The following SEC14L1 variants were observed in gnomAD, a reference collection of about 807,000 sequenced individuals.
SEC14L1 encodes SEC14 like lipid binding 1.
SEC14L1 carries 48 observed loss-of-function variants against 85.3 expected under a neutral mutation model. That is an observed-to-expected ratio of 0.56 (90% CI 0.45 to 0.72). The LOEUF is 0.72. Ranked by LOEUF, SEC14L1 falls within the 30% of genes least tolerant of loss-of-function variation. The probability of loss-of-function intolerance (pLI) is 0.00; values close to 1 mark genes in which losing one functional copy is unlikely to be tolerated. For synonymous variants in SEC14L1, 391 were observed against 355.5 expected, an observed-to-expected ratio of 1.10 and a Z score of -1.12; for missense variants, 682 against 921.4, an observed-to-expected ratio of 0.74 and a Z score of 3.36.
chr17:77,136,349 CTCTT>C (rs1389699074), upstream of SEC14L1, among the ~76,000 whole-genome samples: 53 of 125,092 alleles, frequency 4.2e-4, 1 homozygote, highest in African/African-American at 1.2e-3. Flanking sequence ...TCCTTCCTTT[CTCTT>C]TCTTTTTTCT....
At chr17:77,120,773 G>A (rs184538805) in intron 3 of SEC14L1, among the ~76,000 whole-genome samples, 3 of 152,162 alleles carry the variant, frequency 2.0e-5, no homozygotes, top group Admixed American at 6.6e-5. Flanking sequence ...CACTGCGACC[G>A]GCCCCTTCTC....
At chr17:77,132,521 G>C (rs972354373) in intron 3 of SEC14L1, among the ~76,000 whole-genome samples, 4 of 152,126 alleles carry the variant, frequency 2.6e-5, no homozygotes, top group African/African-American at 4.8e-5. Context: ...CACTGCGCCT[G>C]GGCAAGTCTG....
intron 4 of SEC14L1, 72 bp downstream of exon 4, chr17:77,191,024 C>A: frequency 6.3e-7 from 1 of 1,578,594 alleles, no homozygotes. Context: ...TGGGAGAGGG[C>A]GTCCTGGAGG....
At chr17:77,143,732 A>G (rs764133202) in intron 3 of SEC14L1, 73 bp downstream of exon 3, 31 of 1,127,380 alleles carry the variant, frequency 2.7e-5, no homozygotes, top group African/African-American at 4.6e-5. Context: ...TTGATGATCT[A>G]TAGATTTATT....
At chr17:77,111,101 A>T (rs1972034561) in intron 3 of SEC14L1, among the ~76,000 whole-genome samples, 1 of 151,436 alleles carries the variant, frequency 6.6e-6, no homozygotes, top group Non-Finnish European at 1.5e-5. Context: ...GCTGAGGCAG[A>T]AGGATCGCTT....
At chr17:77,180,479 C>T (rs1414595536) in intron 3 of SEC14L1, among the ~76,000 whole-genome samples, 2 of 152,132 alleles carry the variant, frequency 1.3e-5, no homozygotes, top group African/African-American at 4.8e-5. Context: ...AGTGCAGTGG[C>T]GTGATCATGG....
chr17:77,211,775 G>A, intron 14 of SEC14L1, 175 bp from the exon 15 acceptor site: 1 of 791,012 alleles, frequency 1.3e-6, no homozygotes, highest in Non-Finnish European at 2.0e-6. Flanking sequence ...GGATCCAGCG[G>A]TTGAATGGAT....
chr17:77,155,772 G>GT (rs1973784345), intron 3 of SEC14L1, among the ~76,000 whole-genome samples: 2 of 152,154 alleles, frequency 1.3e-5, no homozygotes, highest in Admixed American at 1.3e-4. Context: ...ATCTCGCTCT[G>GT]TTGCCCAGGC....
chr17:77,173,614 TA>T (rs1362205455), intron 3 of SEC14L1, among the ~76,000 whole-genome samples: 5 of 152,204 alleles, frequency 3.3e-5, no homozygotes, highest in Non-Finnish European at 7.3e-5. Context: ...CATACTCTAT[TA>T]AAAGTTGACA....
chr17:77,171,334 T>C (rs1974514230), intron 3 of SEC14L1, among the ~76,000 whole-genome samples: 1 of 152,218 alleles, frequency 6.6e-6, no homozygotes. Flanking sequence ...TTGGCTCCTA[T>C]TTCATTTAAC....
At chr17:77,197,709 AGGCTATTCTCCT>A (rs1975887415) in intron 8 of SEC14L1, among the ~76,000 whole-genome samples, 1 of 151,832 alleles carries the variant, frequency 6.6e-6, no homozygotes, top group South Asian at 2.1e-4. Context: ...TCCCAGGTTC[AGGCTATTCTCCT>A]GCCTCAGCCT....
At position 77,216,230 on chromosome 17, in the gene SEC14L1, AGGTAGGGTTCG is replaced by A; in HGVS notation, c.*2208_*2218del. ...GGTAGGGCTAGTAGGTAGGGTTCGT[AGGTAGGGTTCG>A]TAGGTAGGGTTCGTAGGTAGGGTTC... On this transcript the variant is annotated 3_prime_UTR_variant, in exon 17 of 17. Transcript: ENST00000436233. The A allele has an allele frequency of 9.2e-7, 1 of 1,083,324 alleles. No homozygotes were observed. The highest frequency in any genetic ancestry group is 2.0e-5 in the African/African-American group (1 of 49,084). 67.1% of individuals were successfully genotyped at this position (1,083,324 alleles called of 1,614,324 possible).
At chr17:77,209,776 T>C (rs1429034990) in intron 14 of SEC14L1, 7 of 266,770 alleles carry the variant, frequency 2.6e-5, no homozygotes, top group Non-Finnish European at 4.3e-5. Context: ...AATCTTTCCT[T>C]GTTGGAGCAC....
chr17:77,107,085 A>G (rs1354261167), intron 3 of SEC14L1, among the ~76,000 whole-genome samples: 1 of 152,262 alleles, frequency 6.6e-6, no homozygotes, highest in Non-Finnish European at 1.5e-5. Context: ...GCAGCTGATC[A>G]ATGAAGAGCT....
intron 3 of SEC14L1, among the ~76,000 whole-genome samples, chr17:77,157,002 A>C (rs1054694320): frequency 6.6e-6 from 1 of 152,232 alleles, no homozygotes; most frequent in African/African-American, 2.4e-5. Context: ...CTCTGGTGGA[A>C]TGGTAATCTG....
At chr17:77,212,243 C>T (rs779155005) in intron 15 of SEC14L1, 42 bp downstream of exon 15, 35 of 1,603,394 alleles carry the variant, frequency 2.2e-5, no homozygotes, top group Non-Finnish European at 2.9e-5. Flanking sequence ...CGTGACTCCA[C>T]ACGGCCAGGT....
At chr17:77,162,079 A>G (rs960068844) in intron 3 of SEC14L1, among the ~76,000 whole-genome samples, 2 of 151,660 alleles carry the variant, frequency 1.3e-5, no homozygotes, top group Admixed American at 6.6e-5. Context: ...CCCCACGAAC[A>G]TGGGTGGCCC....
intron 3 of SEC14L1, among the ~76,000 whole-genome samples, chr17:77,107,239 C>G (rs970868403): frequency 6.6e-6 from 1 of 152,110 alleles, no homozygotes; most frequent in African/African-American, 2.4e-5. Flanking sequence ...CTCCGGGCTC[C>G]GGGGTCCAGG....
intron 3 of SEC14L1, among the ~76,000 whole-genome samples, chr17:77,160,255 A>G (rs1974000620): frequency 6.6e-6 from 1 of 152,210 alleles, no homozygotes; most frequent in Non-Finnish European, 1.5e-5. Flanking sequence ...GTTCCCTAGA[A>G]CACCAAATGC....
Sources: allele counts gnomAD v4.1 joint callset (sites outside exome capture counted in the v4.1 genomes callset), GRCh38; gene constraint gnomAD v4.1.1; transcripts MANE v1.5; gene names NCBI Gene and HGNC (gene_info 2026-07-23, HGNC 2026-07-21).